Variants in POLR2F observed in about 807,000 individuals in gnomAD.
POLR2F encodes the protein RNA polymerase II, I and III subunit F.
Under a neutral mutation model 22.7 loss-of-function variants are expected in POLR2F, and 12 were observed. That is an observed-to-expected ratio of 0.53 (90% CI 0.34 to 0.86). POLR2F has a LOEUF of 0.86. POLR2F is among the 40% of genes least tolerant of loss of function. The probability of loss-of-function intolerance (pLI) is 0.02; values close to 1 mark genes in which losing one functional copy is unlikely to be tolerated. For synonymous variants in POLR2F, 57 were observed against 66.0 expected (o/e 0.86, Z 0.66); for missense variants, 126 against 171.5 (o/e 0.73, Z 1.48).
intron 1 of POLR2F, among the ~76,000 whole-genome samples, chr22:38,018,263 G>A (rs2084931314): frequency 6.6e-6 from 1 of 152,206 alleles, no homozygotes; most frequent in Admixed American, 6.5e-5. Context: ...TTCGGTGTAG[G>A]GTTAGGATCA....
Position 37,969,131 on chromosome 22 carries a change from G to A in POLR2F, c.*1416G>A. 2.0e-6 allele frequency: 2 copies of A among 985,410 alleles called. No homozygotes were observed. The highest frequency in any genetic ancestry group is 3.5e-5 in the African/African-American group (2 of 57,348). The allele number at this position is 985,410 out of a possible 1,614,324, so 61.0% of individuals were successfully genotyped here. A position where few individuals can be genotyped will look rare whatever the true frequency, so the allele number is the denominator to read the frequency against. On this transcript the variant is annotated 3_prime_UTR_variant, in exon 5 of 5. Transcript: ENST00000442738. The stretch of plus-strand genomic sequence containing the variant: ...TGTGATTAAAGGGAGATGGGGTTTG[G>A]GCTGGGGAGGAGGGGAATTGGGGGT...
rs761953130 is a variant in POLR2F at position 37,959,462 on chromosome 22, A to C, written c.207A>C (p.Arg69=). Residue 69 remains arginine (R), a synonymous_variant, in exon 3 of 5, where the codon CGA becomes CGC. Coordinates refer to ENST00000442738, the MANE Select transcript of POLR2F (RefSeq NM_021974.5). ...KYERARVLGT[R]ALQIAMCAPV... ...AGCGAGCCCGCGTGCTGGGCACCCGAGCGCTCCAGATTGCGTGAGTGATTG... is the reference window on the plus strand; with the variant it reads ...AGCGAGCCCGCGTGCTGGGCACCCGCGCGCTCCAGATTGCGTGAGTGATTG... 22 of 1,613,710 alleles carry C rather than the reference A, an allele frequency of 1.4e-5. No individual in the cohort carries two copies. The South Asian group carries it at 2.3e-4, about 17-fold the overall frequency.
At chr22:38,033,648 G>T (rs967969256) in intron 5 of POLR2F, among the ~76,000 whole-genome samples, 2 of 152,274 alleles carry the variant, frequency 1.3e-5, no homozygotes, top group Non-Finnish European at 2.9e-5. Context: ...CCCCGGCGGA[G>T]CGGGAGGGAC....
chr22:37,953,675 T>C, upstream of POLR2F: 2 of 1,327,582 alleles, frequency 1.5e-6, no homozygotes, highest in Non-Finnish European at 1.0e-6. Flanking sequence ...TGATTTCCTC[T>C]GGGTTACGGC....
chr22:37,977,913 T>C, intron 4 of POLR2F: 1 of 1,613,024 alleles, frequency 6.2e-7, no homozygotes, highest in South Asian at 1.1e-5. Flanking sequence ...AGCCCTCTCC[T>C]GGGTGCCGGT....
At chr22:38,025,999 A>G in exon 2 of POLR2F, 1 of 568,110 alleles carries the variant, frequency 1.8e-6, no homozygotes, top group Non-Finnish European at 3.5e-6. Context: ...AGGGCCCTGG[A>G]ATCTTCCCCT....
At chr22:38,034,453 C>T (rs965672102) in intron 5 of POLR2F, among the ~76,000 whole-genome samples, 8 of 152,152 alleles carry the variant, frequency 5.3e-5, no homozygotes, top group African/African-American at 1.4e-4. Context: ...CTCCAAGAAG[C>T]GGGGGAGGGG....
At chr22:37,958,916 A>T (rs969902237) in intron 2 of POLR2F, among the ~76,000 whole-genome samples, 20 of 152,182 alleles carry the variant, frequency 1.3e-4, no homozygotes, top group African/African-American at 3.4e-4. Flanking sequence ...TTTTCTAGCC[A>T]CTTGGCCCAT....
intron 2 of POLR2F, among the ~76,000 whole-genome samples, chr22:37,959,102 C>T (rs1448217794): frequency 6.6e-6 from 1 of 152,146 alleles, no homozygotes; most frequent in South Asian, 2.1e-4. Flanking sequence ...ACCTCCATTA[C>T]CAGGTCTGAG....
At position 37,978,926 on chromosome 22, in the gene POLR2F, G is replaced by A. The variant is rs1475759650; in HGVS notation, c.293+11756G>A. On this transcript the variant is annotated intron_variant, in intron 4 of 4. Transcript: ENST00000405557. This position sits in a 1 kb window ranked among gnomAD's most constrained non-coding sequence, Gnocchi z 5.0. ...CAAGTAGCTGGGATTACAAGCATGCGCCACCACGCCCGGTTAATTTTTGTA... is the reference window on the plus strand; with the variant it reads ...CAAGTAGCTGGGATTACAAGCATGCACCACCACGCCCGGTTAATTTTTGTA... Among the ~76,000 whole-genome samples, 3 of 151,460 alleles carry A rather than the reference G, an allele frequency of 2.0e-5. No individual in the cohort carries two copies. The highest frequency in any genetic ancestry group is 6.6e-5 in the Admixed American group (1 of 15,196).
chr22:37,981,637 C>A (rs1932399165), upstream of POLR2F, among the ~76,000 whole-genome samples: 1 of 152,202 alleles, frequency 6.6e-6, no homozygotes, highest in Non-Finnish European at 1.5e-5. Flanking sequence ...GTACTGTGGT[C>A]TTCTCATGGT....
Position 37,978,782 on chromosome 22 carries a change from C to CT in POLR2F, c.293+11622dup, listed in dbSNP as rs1218261959. On this transcript the variant is annotated intron_variant, in intron 4 of 4. Coordinates refer to the POLR2F transcript ENST00000405557. The surrounding 1 kb of genome is among the most constrained non-coding windows in gnomAD (Gnocchi z 5.0). The stretch of plus-strand genomic sequence containing the variant: ...GAGGAAGAGGTGCTTTTCTTTCTTT[C>CT]TTTTTTTTTTCTGTGAGGGAATCTC... 4.7e-5 allele frequency among the ~76,000 whole-genome samples: 7 copies of CT among 149,616 alleles called. No homozygotes were observed. Among genetic ancestry groups the CT allele is most frequent in the African/African-American group, 9.8e-5 (4 of 40,710 alleles).
intron 1 of POLR2F, among the ~76,000 whole-genome samples, chr22:38,004,734 CAGG>C (rs2084805484): frequency 6.6e-6 from 1 of 152,158 alleles, no homozygotes; most frequent in South Asian, 2.1e-4. Flanking sequence ...CACTTGAGGC[CAGG>C]AGCTCGACAC....
intron 1 of POLR2F, among the ~76,000 whole-genome samples, chr22:37,994,214 G>A (rs1165588858): frequency 6.6e-6 from 1 of 152,174 alleles, no homozygotes; most frequent in Non-Finnish European, 1.5e-5. Flanking sequence ...CAGCCCTGGG[G>A]TGTGTTCACA....
At chr22:37,976,194 G>C (rs1223253304) in intron 4 of POLR2F, among the ~76,000 whole-genome samples, 1 of 152,226 alleles carries the variant, frequency 6.6e-6, no homozygotes, top group Non-Finnish European at 1.5e-5. Flanking sequence ...CTGCACTGCA[G>C]CCTGGGCAAC....
At chr22:37,965,749 A>G (rs1931829134) in intron 3 of POLR2F, among the ~76,000 whole-genome samples, 1 of 152,240 alleles carries the variant, frequency 6.6e-6, no homozygotes, top group Non-Finnish European at 1.5e-5. Flanking sequence ...CTAGCTGATT[A>G]TCAGAATCAT....
chr22:37,997,989 G>C lies in POLR2F; in HGVS notation c.120+11677G>C, dbSNP rs1207781615. On this transcript the variant is annotated intron_variant, in intron 1 of 2. Coordinates refer to the POLR2F transcript ENST00000333418. The surrounding 1 kb of genome is among the most constrained non-coding windows in gnomAD (Gnocchi z 4.4). Reference sequence around the variant, plus strand: ...AGGTGTTTGTGTCCCCTTCCGGTGAGAGCTTTCCAGCGCCCAGAGAGCCAA... The same window carrying C: ...AGGTGTTTGTGTCCCCTTCCGGTGACAGCTTTCCAGCGCCCAGAGAGCCAA... Among the ~76,000 whole-genome samples, 1 of 152,202 alleles carries C rather than the reference G, an allele frequency of 6.6e-6. No individual in the cohort carries two copies. Among genetic ancestry groups the C allele is most frequent in the East Asian group, 1.9e-4 (1 of 5,184 alleles).
At chr22:37,967,438 T>C in intron 4 of POLR2F, 187 bp from the exon 5 acceptor site, 1 of 1,434,256 alleles carries the variant, frequency 7.0e-7, no homozygotes, top group Non-Finnish European at 9.1e-7. Context: ...CTGTCATTCT[T>C]CCCCCTCTTG....
chr22:37,983,678 C>CCGCCGT, upstream of POLR2F: 5 of 1,565,348 alleles, frequency 3.2e-6, no homozygotes, highest in Non-Finnish European at 2.6e-6. This position sits in a 1 kb window ranked among gnomAD's most constrained non-coding sequence, Gnocchi z 9.5. Flanking sequence ...TCCGCCGCCG[C>CCGCCGT]CGCCGTCGGG....
Sources: gnomAD v4.1 joint callset for allele counts (sites outside exome capture counted in the v4.1 genomes callset) on GRCh38, gnomAD v4.1.1 for gene constraint, Gnocchi (gnomAD v3.1) non-coding constraint, MANE v1.5 for transcripts, NCBI Gene and HGNC (gene_info 2026-07-23, HGNC 2026-07-21) for gene names.